The following ESYT2 variants were observed in gnomAD, a reference collection of about 807,000 sequenced individuals.
The protein encoded by ESYT2 is extended synaptotagmin 2.
A neutral mutation model predicts 107.2 loss-of-function variants in ESYT2; 54 were observed. The ratio of observed to expected loss-of-function variants is 0.50; its 90% CI spans 0.40 to 0.63. The LOEUF (loss-of-function observed/expected upper bound fraction) is 0.63. Among genes scored for constraint, ESYT2 ranks in the 30% least tolerant of loss-of-function variants. The pLI, the probability that ESYT2 is intolerant of heterozygous loss-of-function variation, is 0.00. For missense variants in ESYT2, 1,020 were observed against 1,094.5 expected (o/e 0.93, Z 0.96); for synonymous variants, 491 against 434.1 (o/e 1.13, Z -1.63).
At chr7:158,826,577 C>G (rs987230375) in intron 1 of ESYT2, among the ~76,000 whole-genome samples, 9 of 151,306 alleles carry the variant, frequency 5.9e-5, no homozygotes, top group African/African-American at 2.2e-4. Flanking sequence ...AATCCCAGCA[C>G]TTTAGGAGGC....
intron 1 of ESYT2, among the ~76,000 whole-genome samples, chr7:158,809,853 C>T (rs1008842100): frequency 1.4e-5 from 2 of 147,010 alleles, no homozygotes; most frequent in Non-Finnish European, 3.0e-5. Context: ...TATAACCTGG[C>T]TGGCTGTTTC....
intron 13 of ESYT2, among the ~76,000 whole-genome samples, chr7:158,758,082 C>G (rs1313078058): frequency 1.2e-4 from 1 of 8,554 alleles, no homozygotes; most frequent in Non-Finnish European, 1.7e-4. Flanking sequence ...TGATCAAAGG[C>G]TAAGGTAAAT....
chr7:158,767,737 T>C lies in ESYT2; in HGVS notation c.841A>G (p.Asn281Asp), dbSNP rs773176310. Residue 281 changes from asparagine to aspartate, a missense_variant, in exon 8 of 23, where the codon AAC becomes GAC. Asn to Asp is a conservative substitution (Grantham distance 23). Transcript: ENST00000275418. The part of the protein sequence containing the change: ...SDTIILDIIS[N>D]YLVLPNRITV... The stretch of plus-strand genomic sequence containing the variant: ...ATTCGATTGGGAAGCACCAGATAGT[T>C]TGATATTATATCCAAAATGATAGTA... 33 of 1,612,932 alleles carry C rather than the reference T, an allele frequency of 2.0e-5. No individual in the cohort carries two copies. In the East Asian group the frequency reaches 4.0e-4, roughly 20 times the overall value.
Position 158,792,371 on chromosome 7 carries a change from T to A in ESYT2, c.584+1279A>T, listed in dbSNP as rs4909274. 3.0e-5 allele frequency among the ~76,000 whole-genome samples: 4 copies of A among 134,352 alleles called. No homozygotes were observed. In the East Asian group the frequency reaches 1.1e-3, roughly 36 times the overall value. The allele number at this position is 134,352 out of a possible 152,430, so 88.1% of individuals were successfully genotyped here. A position where few individuals can be genotyped will look rare whatever the true frequency, so the allele number is the denominator to read the frequency against. ...AAACCCCATCTCTACAAAAAAAAAA[T>A]AAAAAAATTAGCCACACGTGGTGGC... On this transcript the variant is annotated intron_variant, in intron 4 of 22. Coordinates refer to ENST00000275418, the MANE Select transcript of ESYT2 (RefSeq NM_001367773.1).
At chr7:158,762,656 T>A (rs939230856) in intron 10 of ESYT2, among the ~76,000 whole-genome samples, 2 of 152,218 alleles carry the variant, frequency 1.3e-5, no homozygotes, top group Admixed American at 1.3e-4. Context: ...TTTCCCAATG[T>A]GAATTACTAT....
chr7:158,741,436 C>T, intron 18 of ESYT2, 87 bp downstream of exon 18: 2 of 1,486,864 alleles, frequency 1.3e-6, no homozygotes, highest in Middle Eastern at 2.5e-4. Flanking sequence ...CGGCCTCATG[C>T]TCTGCTGCGT....
chr7:158,806,599 C>G (rs1162300417), intron 1 of ESYT2, among the ~76,000 whole-genome samples: 1 of 152,234 alleles, frequency 6.6e-6, no homozygotes, highest in East Asian at 1.9e-4. Context: ...GACTTATTTA[C>G]ATATAAACAC....
At chr7:158,750,660 GA>G (rs1192213196) in intron 14 of ESYT2, among the ~76,000 whole-genome samples, 10 of 152,122 alleles carry the variant, frequency 6.6e-5, no homozygotes, top group African/African-American at 2.4e-4. Flanking sequence ...AAGTACTGTT[GA>G]AAAAAGTTTC....
At chr7:158,752,750 A>G in intron 14 of ESYT2, 31 bp downstream of exon 14, 2 of 1,274,236 alleles carry the variant, frequency 1.6e-6, no homozygotes, top group Non-Finnish European at 2.1e-6. Flanking sequence ...TGTTTTCATT[A>G]ACTCTGTGAC....
intron 15 of ESYT2, 26 bp downstream of exon 15, chr7:158,749,623 G>A (rs772462592): frequency 1.2e-6 from 2 of 1,612,516 alleles, no homozygotes; most frequent in East Asian, 2.2e-5. Flanking sequence ...CAGGCACCAA[G>A]GCTGAGTCCA....
chr7:158,762,155 C>T lies in ESYT2; in HGVS notation c.1185-611G>A, dbSNP rs78307022. Among the ~76,000 whole-genome samples the T allele has an allele frequency of 4.7e-3, 719 of 152,204 alleles. 45 individuals are homozygous for T. The East Asian group carries it at 0.12, about 25-fold the overall frequency. On this transcript the variant is annotated intron_variant, in intron 10 of 22. Transcript: ENST00000275418. ...TTCCAAGATTGGCACCACCCCCAGA[C>T]GCCAGATACAACTAGATGGGATGAT...
intron 1 of ESYT2, among the ~76,000 whole-genome samples, chr7:158,801,019 G>A (rs989183356): frequency 2.4e-4 from 36 of 151,938 alleles, no homozygotes; most frequent in African/African-American, 6.8e-4. Flanking sequence ...CAGAAAGCAC[G>A]TGCAGTGAGG....
In ESYT2 at chr7:158,821,449, T is replaced by G. The variant is rs553207936; in HGVS notation, c.330+7640A>C. 6.6e-5 allele frequency among the ~76,000 whole-genome samples: 10 copies of G among 152,366 alleles called. No homozygotes were observed. The East Asian group carries it at 1.7e-3, about 26-fold the overall frequency. ...AGCTACAGCAAGAATAGAAGTATAC[T>G]GCATTACACAGTAGCTTTCCTTTTC... On this transcript the variant is annotated intron_variant, in intron 1 of 22. Coordinates refer to ENST00000275418, the MANE Select transcript of ESYT2 (RefSeq NM_001367773.1).
In ESYT2 at chr7:158,733,442, TTAAAA is replaced by T. The variant is rs1487118052; in HGVS notation, c.*760_*764del. The stretch of plus-strand genomic sequence containing the variant: ...TTTCATGAGTAAGTTACAACAGCAA[TTAAAA>T]TAAACATAAGACACTTCATTTTTAT... On this transcript the variant is annotated 3_prime_UTR_variant, in exon 23 of 23. Transcript: ENST00000275418. The T allele has an allele frequency of 2.6e-5, 4 of 152,182 alleles. No individual in the cohort carries two copies. The highest frequency in any genetic ancestry group is 7.2e-5 in the African/African-American group (3 of 41,446). The allele number at this position is 152,182 out of a possible 1,614,324, so 9.4% of individuals were successfully genotyped here.
chr7:158,765,415 G>C, intron 8 of ESYT2, among the ~76,000 whole-genome samples: 1 of 152,196 alleles, frequency 6.6e-6, no homozygotes, highest in East Asian at 1.9e-4. Context: ...CTGCAACTTT[G>C]AAATATGTAT....
At chr7:158,813,277 T>C (rs935060473) in intron 1 of ESYT2, among the ~76,000 whole-genome samples, 7 of 152,296 alleles carry the variant, frequency 4.6e-5, no homozygotes, top group South Asian at 2.1e-4. Flanking sequence ...AAGAGTTGAA[T>C]TGAAGCACAG....
rs1485198246 is a variant in ESYT2 at position 158,828,637 on chromosome 7, G to GAAGGGGAC, written c.330+444_330+451dup. On this transcript the variant is annotated intron_variant, in intron 1 of 22. Coordinates refer to ENST00000275418, the MANE Select transcript of ESYT2 (RefSeq NM_001367773.1). ...GAGCCTGGGCGGGCGGGGAAGCGGA[G>GAAGGGGAC]AAGGGGACGCCCGACTTGGACGGAG... Among the ~76,000 whole-genome samples the GAAGGGGAC allele has an allele frequency of 2.6e-5, 4 of 152,308 alleles. No homozygotes were observed. In the East Asian group the frequency reaches 7.7e-4, roughly 29 times the overall value.
At chr7:158,761,990 A>G (rs1437191584) in intron 10 of ESYT2, among the ~76,000 whole-genome samples, 1 of 151,968 alleles carries the variant, frequency 6.6e-6, no homozygotes, top group Non-Finnish European at 1.5e-5. Context: ...TGGATTCCTC[A>G]CTCGCACAGT....
chr7:158,764,530 T>C (rs888418499), intron 9 of ESYT2, 147 bp downstream of exon 9: 10 of 851,790 alleles, frequency 1.2e-5, no homozygotes, highest in Non-Finnish European at 1.8e-5. Flanking sequence ...TACGACACTT[T>C]TTAAAGATGG....
Sources: gnomAD v4.1 joint callset for allele counts (sites outside exome capture counted in the v4.1 genomes callset) on GRCh38, gnomAD v4.1.1 for gene constraint, MANE v1.5 for transcripts, NCBI Gene and HGNC (gene_info 2026-07-23, HGNC 2026-07-21) for gene names.